SLC30A10: variants seen among roughly 807,000 people sequenced by gnomAD.
The protein encoded by SLC30A10 is solute carrier family 30 member 10, also known as calcium/manganese antiporter SLC30A10.
Under a neutral mutation model 21.7 loss-of-function variants are expected in SLC30A10, and 8 were observed. The ratio of observed to expected loss-of-function variants is 0.37; its 90% CI spans 0.22 to 0.67. The LOEUF (loss-of-function observed/expected upper bound fraction) is 0.67, where lower values mean the gene tolerates loss of function less well. Ranked by LOEUF, SLC30A10 falls within the 30% of genes least tolerant of loss-of-function variation. The pLI is 0.58. For missense variants in SLC30A10, 521 were observed against 642.5 expected (o/e 0.81, Z 2.04); for synonymous variants, 272 against 279.4 (o/e 0.97, Z 0.26).
chr1:219,948,392 T>C (rs370430678), intron 1 of SLC30A10, among the ~76,000 whole-genome samples: 2 of 152,042 alleles, frequency 1.3e-5, no homozygotes, highest in Admixed American at 6.5e-5. Flanking sequence ...CAAAACAGCA[T>C]GGTACTGGTA....
intron 1 of SLC30A10, among the ~76,000 whole-genome samples, chr1:219,954,680 C>CAAAAAAA (rs11325622): frequency 2.2e-5 from 2 of 89,148 alleles, no homozygotes; most frequent in Non-Finnish European, 2.2e-5. Flanking sequence ...GACTCCATCT[C>CAAAAAAA]AAAAAAAAAA....
chr1:219,914,721 T>A lies in SLC30A10; in HGVS notation c.*728A>T, dbSNP rs1273600007. 6.6e-6 allele frequency: 1 copy of A among 152,182 alleles called. No individual in the cohort carries two copies. Among genetic ancestry groups the A allele is most frequent in the Non-Finnish European group, 1.5e-5 (1 of 68,024 alleles). 9.4% of individuals were successfully genotyped at this position (152,182 alleles called of 1,614,324 possible). A position where few individuals can be genotyped will look rare whatever the true frequency, so the allele number is the denominator to read the frequency against. On this transcript the variant is annotated 3_prime_UTR_variant, in exon 4 of 4. Coordinates refer to ENST00000366926, the MANE Select transcript of SLC30A10 (RefSeq NM_018713.3). ...GTCATACTTCAGGAAACTGAAATAT[T>A]CCCTCACTTCCATGGAAAAAAATGT...
Position 219,928,102 on chromosome 1 carries a change from G to C in SLC30A10, c.339C>G (p.Pro113=), listed in dbSNP as rs747535722. The C allele has an allele frequency of 8.2e-6, 13 of 1,580,192 alleles. No individual in the cohort carries two copies. Among genetic ancestry groups the C allele is most frequent in the Non-Finnish European group, 1.1e-5 (13 of 1,164,244 alleles). Residue 113 remains proline (P), a synonymous_variant, in exon 1 of 4, where the codon CCC becomes CCG. Transcript: ENST00000366926. The surrounding 1 kb of genome is among the most constrained non-coding windows in gnomAD (Gnocchi z 6.3). ...RLARPERIDD[P]ELVLIVGVLG... Reference sequence around the variant, plus strand: ...GGACGCCGACGATGAGCACCAGCTCGGGGTCATCGATGCGCTCGGGCCGGG... The same window carrying C: ...GGACGCCGACGATGAGCACCAGCTCCGGGTCATCGATGCGCTCGGGCCGGG...
rs1659393465 is a variant in SLC30A10, at chr1:219,910,861, G to A, written c.*4588C>T. ...GTACGAAATAAAACACATGAAAAGA[G>A]AAGCACCAGAAAATGACTCGTCTGC... On this transcript the variant is annotated 3_prime_UTR_variant, in exon 4 of 4. Transcript: ENST00000366926. 6.6e-6 allele frequency among the ~76,000 whole-genome samples: 1 copy of A among 152,158 alleles called. No individual in the cohort carries two copies. The highest frequency in any genetic ancestry group is 2.4e-5 in the African/African-American group (1 of 41,450).
At chr1:219,941,696 C>G (rs1438007541) in intron 1 of SLC30A10, among the ~76,000 whole-genome samples, 1 of 150,686 alleles carries the variant, frequency 6.6e-6, no homozygotes, top group East Asian at 1.9e-4. Flanking sequence ...CTTTCTCTCT[C>G]TCTCTCTCTC....
intron 1 of SLC30A10, among the ~76,000 whole-genome samples, chr1:219,941,099 A>T (rs1006438444): frequency 1.3e-5 from 2 of 152,212 alleles, no homozygotes; most frequent in African/African-American, 4.8e-5. Flanking sequence ...TTAACAACCT[A>T]ACTGAGCCTT....
Position 219,911,146 on chromosome 1 carries a change from T to A in SLC30A10, c.*4303A>T, listed in dbSNP as rs865886377. On this transcript the variant is annotated 3_prime_UTR_variant, in exon 4 of 4. Coordinates refer to ENST00000366926, the MANE Select transcript of SLC30A10 (RefSeq NM_018713.3). ...GTCATGTTTCTTCATTTTTTCTACA[T>A]CAGTTTTTTTTTTTTTTTTTTTTTT... Among the ~76,000 whole-genome samples, 3 of 130,828 alleles carry A rather than the reference T, an allele frequency of 2.3e-5. No individual in the cohort carries two copies. Among genetic ancestry groups the A allele is most frequent in the South Asian group, 2.6e-4 (1 of 3,844 alleles). 85.8% of individuals were successfully genotyped at this position (130,828 alleles called of 152,430 possible). A position where few individuals can be genotyped will look rare whatever the true frequency, so the allele number is the denominator to read the frequency against.
chr1:219,944,392 G>A (rs898618565), intron 1 of SLC30A10, among the ~76,000 whole-genome samples: 1 of 138,984 alleles, frequency 7.2e-6, no homozygotes, highest in African/African-American at 2.5e-5. Flanking sequence ...AGCTTGCAAT[G>A]AGCCGAGATC....
At chr1:219,916,056 A>G (rs1659534402) in intron 3 of SLC30A10, 108 bp from the exon 4 acceptor site, 1 of 1,384,242 alleles carries the variant, frequency 7.2e-7, no homozygotes, top group Non-Finnish European at 9.7e-7. Flanking sequence ...ATGGCTGCCT[A>G]CTTACTACGA....
rs906596181 is a variant in SLC30A10 at position 219,950,764 on chromosome 1, A to G, written n.80+7804T>C. Among the ~76,000 whole-genome samples the G allele has an allele frequency of 3.1e-4, 46 of 147,532 alleles. 1 individual carries two copies. The highest frequency in any genetic ancestry group is 1.1e-3 in the African/African-American group (45 of 39,842). On this transcript the variant is annotated intron_variant and non_coding_transcript_variant, in intron 1 of 8. Coordinates refer to the SLC30A10 transcript ENST00000484239. ...CAGGAGTTTGAGACCAGCCTAGCCA[A>G]CATGAAACCCCATCTCTACTAAAAA... is the stretch of plus-strand genomic sequence containing the variant.
intron 1 of SLC30A10, among the ~76,000 whole-genome samples, chr1:219,934,008 G>T (rs1167225078): frequency 6.6e-6 from 1 of 152,164 alleles, no homozygotes; most frequent in Non-Finnish European, 1.5e-5. Context: ...CCAAATAAAG[G>T]CCGGGTGTGG....
intron 1 of SLC30A10, among the ~76,000 whole-genome samples, chr1:219,943,165 C>A (rs766787916): frequency 1.3e-5 from 2 of 151,690 alleles, no homozygotes; most frequent in Non-Finnish European, 2.9e-5. Context: ...GTTGAGAATA[C>A]CAGATACATA....
upstream of SLC30A10, among the ~76,000 whole-genome samples, chr1:219,929,558 T>C (rs1659934371): frequency 1.3e-5 from 2 of 152,218 alleles, no homozygotes; most frequent in South Asian, 2.1e-4. Context: ...TTCGTTGTTG[T>C]TGCCCAGGCT....
chr1:219,947,346 T>C (rs952027557), intron 1 of SLC30A10, among the ~76,000 whole-genome samples: 2 of 151,982 alleles, frequency 1.3e-5, no homozygotes, highest in African/African-American at 4.8e-5. Context: ...TTGGGCAACA[T>C]GGTAAGACCC....
chr1:219,911,149 G>GT lies in SLC30A10; in HGVS notation c.*4299dup. On this transcript the variant is annotated 3_prime_UTR_variant, in exon 4 of 4. Transcript: ENST00000366926. ...ATGTTTCTTCATTTTTTCTACATCA[G>GT]TTTTTTTTTTTTTTTTTTTTTTTTT... Among the ~76,000 whole-genome samples the GT allele has an allele frequency of 0.1, 5,027 of 49,488 alleles. 778 individuals are homozygous for GT. Among genetic ancestry groups the GT allele is most frequent in the Middle Eastern group, 0.21 (15 of 70 alleles). The allele number at this position is 49,488 out of a possible 152,430, so 32.5% of individuals were successfully genotyped here. A position where few individuals can be genotyped will look rare whatever the true frequency, so the allele number is the denominator to read the frequency against.
At chr1:219,956,659 A>C (rs1027537289) in intron 1 of SLC30A10, among the ~76,000 whole-genome samples, 2 of 117,686 alleles carry the variant, frequency 1.7e-5, no homozygotes, top group African/African-American at 6.0e-5. Flanking sequence ...CTAAAAATAA[A>C]AATTAAAAAA....
At chr1:219,946,102 T>C (rs996685171) in intron 1 of SLC30A10, among the ~76,000 whole-genome samples, 24 of 152,246 alleles carry the variant, frequency 1.6e-4, no homozygotes, top group African/African-American at 5.8e-4. Context: ...AATTTTGAAA[T>C]TTAATTTTCT....
In SLC30A10 at chr1:219,911,828, T is replaced by G. The variant is rs1659421657; in HGVS notation, c.*3621A>C. On this transcript the variant is annotated 3_prime_UTR_variant, in exon 4 of 4. Transcript: ENST00000366926. ...CAGTGGCTCAGAACTTGGGGCAATT[T>G]TTTTTCCCAGGTTATATGTGGCAAT... Among the ~76,000 whole-genome samples the G allele has an allele frequency of 6.6e-6, 1 of 152,110 alleles. No individual in the cohort carries two copies. Among genetic ancestry groups the G allele is most frequent in the Non-Finnish European group, 1.5e-5 (1 of 68,038 alleles).
intron 1 of SLC30A10, 94 bp from the exon 2 acceptor site, chr1:219,927,199 A>T: frequency 7.5e-7 from 1 of 1,334,566 alleles, no homozygotes; most frequent in Non-Finnish European, 1.1e-6. Flanking sequence ...GTTATTTTAA[A>T]TTTCTACTAG....
Sources: gnomAD v4.1 joint callset for allele counts (sites outside exome capture counted in the v4.1 genomes callset) on GRCh38, gnomAD v4.1.1 for gene constraint, Gnocchi (gnomAD v3.1) non-coding constraint, MANE v1.5 for transcripts, NCBI Gene and HGNC (gene_info 2026-07-23, HGNC 2026-07-21) for gene names.